Variants in TRIM5 observed in about 807,000 individuals in gnomAD.
TRIM5 encodes the protein tripartite motif containing 5, also known as tripartite motif-containing protein 5.
TRIM5 carries 31 observed loss-of-function variants against 35.6 expected under a neutral mutation model. That is an observed-to-expected ratio of 0.87 (90% CI 0.65 to 1.18). The LOEUF is 1.18. Ranked by LOEUF, TRIM5 falls within the 50% of genes most tolerant of loss-of-function variation. The pLI is 0.00. For missense variants in TRIM5, 609 were observed against 591.6 expected (o/e 1.03, Z -0.31); for synonymous variants, 243 against 215.6 (o/e 1.13, Z -1.11).
chr11:5,624,201 C>G, the TRIM5 span, among the ~76,000 whole-genome samples: 1 of 152,248 alleles, frequency 6.6e-6, no homozygotes, highest in African/African-American at 2.4e-5. Flanking sequence ...GCCTCAGATT[C>G]GCGTAAAAAT....
At chr11:5,610,834 G>A in the TRIM5 span, 28 of 1,614,006 alleles carry the variant, frequency 1.7e-5, no homozygotes, top group African/African-American at 6.7e-5. Context: ...GCTAAAAACC[G>A]GAGACAAGTG....
chr11:5,652,727 A>G, the TRIM5 span, among the ~76,000 whole-genome samples: 1 of 152,294 alleles, frequency 6.6e-6, no homozygotes, highest in South Asian at 2.1e-4. Context: ...TTTGATAGGA[A>G]TAGCACTGAA....
At chr11:5,633,920 T>C in the TRIM5 span, 1 of 1,612,200 alleles carries the variant, frequency 6.2e-7, no homozygotes, top group Non-Finnish European at 8.5e-7. Context: ...ATTCTGAAGG[T>C]TTTCTGAGAC....
In TRIM5 at chr11:5,664,267, A is replaced by T. The variant is rs1309608719; in HGVS notation, c.*542T>A. The T allele has an allele frequency of 1.0e-6, 1 of 985,424 alleles. No homozygotes were observed. The highest frequency in any genetic ancestry group is 1.7e-5 in the African/African-American group (1 of 57,236). 61.0% of individuals were successfully genotyped at this position (985,424 alleles called of 1,614,324 possible). ...GCACAGCCATTTAAGTATGTTATTC[A>T]CAGTTACACTGCTGGTATATGGAGA... is the stretch of plus-strand genomic sequence containing the variant. On this transcript the variant is annotated 3_prime_UTR_variant, in exon 8 of 8. Transcript: ENST00000380034.
chr11:5,619,688 A>ATTTTTTTTTT, the TRIM5 span: 16 of 66,028 alleles, frequency 2.4e-4, no homozygotes, highest in African/African-American at 7.2e-4. Context: ...CCTGTTTTAA[A>ATTTTTTTTTT]TTTTTTTTTT....
chr11:5,592,914 C>CAAAAAAAAAA, the TRIM5 span, among the ~76,000 whole-genome samples: 2 of 67,238 alleles, frequency 3.0e-5, no homozygotes, highest in African/African-American at 6.4e-5. Flanking sequence ...GAGATTGTCT[C>CAAAAAAAAAA]AAAAAAAAAA....
At chr11:5,669,077 A>ATTT (rs1298284702) in intron 4 of TRIM5, among the ~76,000 whole-genome samples, 3 of 129,066 alleles carry the variant, frequency 2.3e-5, no homozygotes, top group Admixed American at 7.5e-5. Context: ...TTTGGTCTAC[A>ATTT]TTCTTTTTTT....
chr11:5,611,137 C>G, the TRIM5 span: 2 of 1,614,148 alleles, frequency 1.2e-6, no homozygotes, highest in Non-Finnish European at 1.7e-6. Context: ...TCTTCCCCTT[C>G]CCTGCTTCTC....
the TRIM5 span, chr11:5,642,639 T>C: frequency 9.3e-5 from 129 of 1,383,746 alleles, no homozygotes; most frequent in African/African-American, 1.7e-3. Context: ...TATTCTGTGG[T>C]GAAGAGGATG....
chr11:5,628,110 C>T, the TRIM5 span, among the ~76,000 whole-genome samples: 5 of 152,200 alleles, frequency 3.3e-5, no homozygotes, highest in South Asian at 8.3e-4. Context: ...ATTTCTCACA[C>T]GTGGGACCGT....
chr11:5,633,909 G>T, the TRIM5 span: 1 of 1,613,074 alleles, frequency 6.2e-7, no homozygotes, highest in Non-Finnish European at 8.5e-7. Flanking sequence ...GGCAAGAGGA[G>T]ATTCTGAAGG....
chr11:5,633,797 CT>C, the TRIM5 span: 3 of 1,612,842 alleles, frequency 1.9e-6, no homozygotes, highest in Non-Finnish European at 2.5e-6. Context: ...TGATTCCCTT[CT>C]CATAGGAGAA....
At chr11:5,616,849 C>G in the TRIM5 span, among the ~76,000 whole-genome samples, 1 of 142,634 alleles carries the variant, frequency 7.0e-6, no homozygotes, top group South Asian at 2.3e-4. Flanking sequence ...AAGCGATTCT[C>G]CTGCCTCAGC....
At chr11:5,627,863 C>T in the TRIM5 span, among the ~76,000 whole-genome samples, 1 of 152,216 alleles carries the variant, frequency 6.6e-6, no homozygotes, top group African/African-American at 2.4e-5. Flanking sequence ...CTAAAAGTCA[C>T]TCGTAGAGAC....
chr11:5,645,906 G>GATATATATATATATAT, the TRIM5 span: 17 of 129,572 alleles, frequency 1.3e-4, no homozygotes, highest in African/African-American at 5.8e-4. Context: ...TCTATATATA[G>GATATATATATATATAT]ATATATATAG....
At chr11:5,684,711 C>T (rs58371000) in intron 1 of TRIM5, among the ~76,000 whole-genome samples, 157 bp downstream of exon 1, 3,129 of 152,232 alleles carry the variant, frequency 0.021, 104 homozygotes, top group African/African-American at 0.07. Context: ...AACCAGCCTT[C>T]GGGAAACAAA....
downstream of TRIM5, among the ~76,000 whole-genome samples, chr11:5,658,373 G>T (rs1034067932): frequency 2.0e-5 from 3 of 152,138 alleles, no homozygotes; most frequent in African/African-American, 4.8e-5. Flanking sequence ...CTCGCTGAGA[G>T]CTACTACCAC....
intron 4 of TRIM5, among the ~76,000 whole-genome samples, chr11:5,670,487 G>A (rs190838280): frequency 2.6e-5 from 4 of 152,160 alleles, no homozygotes; most frequent in Admixed American, 2.6e-4. Context: ...CATCTTAAAA[G>A]CACTACTGCA....
intron 4 of TRIM5, among the ~76,000 whole-genome samples, chr11:5,672,173 A>AAT (rs1489552635): frequency 6.6e-6 from 1 of 152,134 alleles, no homozygotes; most frequent in Non-Finnish European, 1.5e-5. Context: ...AGACTGAGAG[A>AAT]ATTTGTTGCT....
Sources: allele counts gnomAD v4.1 joint callset (sites outside exome capture counted in the v4.1 genomes callset), GRCh38; gene constraint gnomAD v4.1.1; transcripts MANE v1.5; gene names NCBI Gene and HGNC (gene_info 2026-07-23, HGNC 2026-07-21).